Variants in WWOX observed in about 807,000 individuals in gnomAD.
WWOX encodes WW domain-containing oxidoreductase.
A neutral mutation model predicts 46.2 loss-of-function variants in WWOX; 69 were observed. The ratio of observed to expected loss-of-function variants is 1.49; its 90% CI spans 1.23 to 1.82. The LOEUF (loss-of-function observed/expected upper bound fraction) is 1.82, where lower values mean the gene tolerates loss of function less well. Ranked by LOEUF, WWOX falls within the 40% of genes most tolerant of loss-of-function variation. The pLI is 0.00. For missense variants in WWOX, 919 were observed against 542.6 expected, an observed-to-expected ratio of 1.69 and a Z score of -6.89; for synonymous variants, 359 against 202.6, an observed-to-expected ratio of 1.77 and a Z score of -6.56.
chr16:78,820,288 T>C (rs2051458197), intron 8 of WWOX, among the ~76,000 whole-genome samples: 1 of 152,202 alleles, frequency 6.6e-6, no homozygotes, highest in Non-Finnish European at 1.5e-5. Context: ...GTCCTTTCCA[T>C]GTGTGACCCA....
At chr16:78,321,678 T>G (rs578176323) in intron 5 of WWOX, among the ~76,000 whole-genome samples, 7 of 152,236 alleles carry the variant, frequency 4.6e-5, no homozygotes, top group African/African-American at 1.7e-4. Flanking sequence ...CATGGAAAAG[T>G]AAATGATTGG....
At chr16:78,223,862 A>G (rs1490238873) in intron 5 of WWOX, among the ~76,000 whole-genome samples, 1 of 152,202 alleles carries the variant, frequency 6.6e-6, no homozygotes, top group African/African-American at 2.4e-5. Context: ...TATTCATAGA[A>G]TCCATATGTC....
intron 5 of WWOX, among the ~76,000 whole-genome samples, chr16:78,279,285 C>A (rs1487805668): frequency 6.6e-6 from 1 of 151,806 alleles, no homozygotes; most frequent in Non-Finnish European, 1.5e-5. Flanking sequence ...TAGGGGGACA[C>A]CTCCCTCTCA....
chr16:78,941,940 A>G (rs2045859835), intron 8 of WWOX, among the ~76,000 whole-genome samples: 1 of 152,062 alleles, frequency 6.6e-6, no homozygotes, highest in Non-Finnish European at 1.5e-5. Context: ...TACTGTAAAC[A>G]TTGTGCTGTA....
chr16:78,387,356 C>T (rs1264344752), intron 6 of WWOX, among the ~76,000 whole-genome samples: 2 of 152,150 alleles, frequency 1.3e-5, no homozygotes, highest in East Asian at 3.9e-4. Flanking sequence ...AATCCAAGCA[C>T]CCAAAAGACC....
chr16:78,419,474 T>C (rs1301539050), intron 6 of WWOX, among the ~76,000 whole-genome samples: 3 of 151,936 alleles, frequency 2.0e-5, no homozygotes, highest in Non-Finnish European at 4.4e-5. Flanking sequence ...AGTCCAGAAA[T>C]GAATCCATGC....
At chr16:79,204,955 T>G (rs1171806492) in intron 8 of WWOX, 1 of 152,212 alleles carries the variant, frequency 6.6e-6, no homozygotes, top group Admixed American at 6.5e-5. Context: ...AACTTCTTAG[T>G]GCTCTTGCAA....
chr16:78,456,085 AG>A (rs1337768509), intron 8 of WWOX, among the ~76,000 whole-genome samples: 5 of 152,198 alleles, frequency 3.3e-5, no homozygotes, highest in Non-Finnish European at 7.3e-5. Context: ...ATGTAACTAA[AG>A]GGGGTGGAGG....
chr16:78,713,673 G>A (rs533705962), intron 8 of WWOX, among the ~76,000 whole-genome samples: 1 of 152,304 alleles, frequency 6.6e-6, no homozygotes, highest in Admixed American at 6.5e-5. Context: ...GGAGGTGGCT[G>A]TCTGCAAGCC....
intron 8 of WWOX, among the ~76,000 whole-genome samples, chr16:79,087,000 A>G (rs368352060): frequency 6.6e-6 from 1 of 152,360 alleles, no homozygotes; most frequent in South Asian, 2.1e-4. Flanking sequence ...TGAGAGAGGC[A>G]GCCTAGGGAA....
At chr16:79,182,231 G>C (rs559933320) in intron 8 of WWOX, among the ~76,000 whole-genome samples, 2 of 151,994 alleles carry the variant, frequency 1.3e-5, no homozygotes, top group Non-Finnish European at 2.9e-5. Context: ...ATTAGCATCT[G>C]GGGCTGTACA....
chr16:78,249,685 G>A (rs1022155967), intron 5 of WWOX, among the ~76,000 whole-genome samples: 9 of 152,138 alleles, frequency 5.9e-5, no homozygotes, highest in Non-Finnish European at 1.3e-4. Flanking sequence ...AAACTTAGGT[G>A]GACCAAAATG....
At chr16:78,974,255 C>G (rs11866916) in intron 8 of WWOX, among the ~76,000 whole-genome samples, 2,843 of 152,290 alleles carry the variant, frequency 0.019, 95 homozygotes, top group African/African-American at 0.065. Flanking sequence ...GAAAAACTGT[C>G]TCTAATGACC....
At chr16:78,898,291 A>G (rs1394891883) in intron 8 of WWOX, 8 of 152,130 alleles carry the variant, frequency 5.3e-5, no homozygotes, top group Admixed American at 3.3e-4. Flanking sequence ...ATTCAGATCT[A>G]TGTTCCATCT....
intron 6 of WWOX, among the ~76,000 whole-genome samples, chr16:78,393,070 G>A (rs2082210615): frequency 6.6e-6 from 1 of 152,158 alleles, no homozygotes; most frequent in Non-Finnish European, 1.5e-5. Flanking sequence ...ACTGGCTTGT[G>A]AGGGATATTT....
At chr16:79,007,842 A>G (rs562750802) in intron 8 of WWOX, among the ~76,000 whole-genome samples, 20 of 152,358 alleles carry the variant, frequency 1.3e-4, no homozygotes, top group South Asian at 8.3e-4. Flanking sequence ...TCTGCCCTTT[A>G]TTAGTCACTC....
chr16:79,056,902 A>G (rs1040684585), intron 8 of WWOX, among the ~76,000 whole-genome samples: 2 of 152,240 alleles, frequency 1.3e-5, no homozygotes, highest in African/African-American at 4.8e-5. Flanking sequence ...TCAAACCTAC[A>G]AAACATAGTG....
chr16:78,685,353 T>C (rs2047830042), intron 8 of WWOX, among the ~76,000 whole-genome samples: 1 of 152,164 alleles, frequency 6.6e-6, no homozygotes, highest in South Asian at 2.1e-4. Flanking sequence ...TTTTTTTTTG[T>C]ATGTGTCTAA....
intron 5 of WWOX, among the ~76,000 whole-genome samples, chr16:78,354,312 C>CTTTTTTTTTTTTTTTTTTT: frequency 8.1e-6 from 1 of 123,306 alleles, no homozygotes; most frequent in Non-Finnish European, 1.6e-5. Context: ...ATGTGCTTAA[C>CTTTTTTTTTTTTTTTTTTT]TTTTTTTTTT....
Sources: gnomAD v4.1 joint callset for allele counts (sites outside exome capture counted in the v4.1 genomes callset) on GRCh38, gnomAD v4.1.1 for gene constraint, MANE v1.5 for transcripts, NCBI Gene and HGNC (gene_info 2026-07-23, HGNC 2026-07-21) for gene names.